CRHR2: variants seen among roughly 807,000 people sequenced by gnomAD.
CRHR2 encodes corticotropin-releasing hormone receptor 2.
A neutral mutation model predicts 57.9 loss-of-function variants in CRHR2; 53 were observed. The observed-to-expected ratio is 0.92, with a 90% CI of 0.73 to 1.15. The LOEUF (loss-of-function observed/expected upper bound fraction) is 1.15. CRHR2 is among the 50% of genes most tolerant of loss of function. The pLI is 0.00. For missense variants in CRHR2, 532 were observed against 542.6 expected (o/e 0.98, Z 0.19); for synonymous variants, 213 against 220.9 (o/e 0.96, Z 0.32).
At chr7:30,695,685 A>C (rs570609191) in intron 1 of CRHR2, among the ~76,000 whole-genome samples, 7 of 152,360 alleles carry the variant, frequency 4.6e-5, no homozygotes, top group Admixed American at 4.6e-4. Flanking sequence ...CATAAAAGTC[A>C]CATCTCTTCT....
At chr7:30,657,038 CAT>C (rs1272483619) in intron 8 of CRHR2, among the ~76,000 whole-genome samples, 1 of 152,032 alleles carries the variant, frequency 6.6e-6, no homozygotes, top group Non-Finnish European at 1.5e-5. Flanking sequence ...GAGGGAGACA[CAT>C]GTTAGCCCAG....
chr7:30,679,459 T>A (rs1216208605), intron 2 of CRHR2, among the ~76,000 whole-genome samples: 1 of 151,768 alleles, frequency 6.6e-6, no homozygotes, highest in East Asian at 1.9e-4. Flanking sequence ...TGTGGGCGAG[T>A]GGGATTATGG....
intron 1 of CRHR2, among the ~76,000 whole-genome samples, chr7:30,694,927 GA>G (rs1403790994): frequency 2.1e-5 from 3 of 145,222 alleles, no homozygotes; most frequent in Non-Finnish European, 4.5e-5. Flanking sequence ...AGAAAAGGGA[GA>G]GGGGGAGAAT....
chr7:30,697,521 G>A (rs963922355), intron 1 of CRHR2, among the ~76,000 whole-genome samples: 15 of 152,084 alleles, frequency 9.9e-5, no homozygotes, highest in Non-Finnish European at 2.9e-5. Context: ...CTTCCCGAAG[G>A]CCTCCACGGG....
At chr7:30,685,531 G>A (rs528410108), upstream of CRHR2, among the ~76,000 whole-genome samples, 4 of 152,154 alleles carry the variant, frequency 2.6e-5, no homozygotes, top group Non-Finnish European at 4.4e-5. Flanking sequence ...GGGCCTGAAG[G>A]TGCTGCACTT....
Position 30,682,282 on chromosome 7 carries a change from G to A in CRHR2, c.-2C>T, listed in dbSNP as rs1784744171. 1.3e-6 allele frequency: 2 copies of A among 1,563,108 alleles called. No homozygotes were observed. The highest frequency in any genetic ancestry group is 1.7e-6 in the Non-Finnish European group (2 of 1,162,586). The stretch of plus-strand genomic sequence containing the variant: ...GCTGTGGAGCAGTGCCGCGTCCATC[G>A]CGTCCCGCAGCCGCGTGCGGAGAGG... On this transcript the variant is annotated 5_prime_UTR_variant, in exon 1 of 12. Transcript: ENST00000471646.
intron 11 of CRHR2, chr7:30,654,569 T>C: frequency 1.0e-6 from 1 of 999,834 alleles, no homozygotes; most frequent in Non-Finnish European, 1.4e-6. Flanking sequence ...GGCCTCATGA[T>C]TGGCTTGCAC....
intron 1 of CRHR2, among the ~76,000 whole-genome samples, chr7:30,693,731 TACCTGTGGAGGCTGATGCCAACTCCAG>T (rs57781969): frequency 0.047 from 7,167 of 152,216 alleles, 531 homozygotes; most frequent in African/African-American, 0.16. Context: ...ACTGAGGCTT[TACCTGTGGAGGCTGATGCCAACTCCAG>T]GAAGATAGCA....
In CRHR2 at chr7:30,656,024, G is replaced by A; in HGVS notation, c.832-12C>T. ...AATACGAAATTGATCTGGAGGGAGG[G>A]CGGGCATGGGAAAGAGGGAAAAGGA... On this transcript the variant is annotated splice_polypyrimidine_tract_variant and intron_variant, in intron 8 of 11. Coordinates refer to ENST00000471646, the MANE Select transcript of CRHR2 (RefSeq NM_001883.5). This position sits in a 1 kb window ranked among gnomAD's most constrained non-coding sequence, Gnocchi z 4.4. 2 of 1,606,062 alleles carry A rather than the reference G, an allele frequency of 1.2e-6. No homozygotes were observed.
At chr7:30,675,342 GA>G (rs1449999167) in intron 2 of CRHR2, among the ~76,000 whole-genome samples, 1 of 152,234 alleles carries the variant, frequency 6.6e-6, no homozygotes, top group African/African-American at 2.4e-5. Flanking sequence ...AGTGCACAGG[GA>G]AGGATGCTGG....
At chr7:30,681,888 C>G in intron 2 of CRHR2, 27 bp downstream of exon 2, 2 of 1,602,836 alleles carry the variant, frequency 1.2e-6, no homozygotes, top group Non-Finnish European at 1.7e-6. Context: ...CGGTGTAGAG[C>G]AGGCAGCGAG....
chr7:30,683,988 G>A (rs1248656649), upstream of CRHR2, among the ~76,000 whole-genome samples: 1 of 152,216 alleles, frequency 6.6e-6, no homozygotes, highest in African/African-American at 2.4e-5. Context: ...CAGGCAGAGC[G>A]AGTGAGACCA....
At chr7:30,664,308 C>A (rs1784108916) in intron 5 of CRHR2, among the ~76,000 whole-genome samples, 1 of 152,198 alleles carries the variant, frequency 6.6e-6, no homozygotes, top group African/African-American at 2.4e-5. Context: ...ACACAGTACA[C>A]AGCAATGGAC....
rs976732372 is a variant in CRHR2, at chr7:30,656,770, C to T, written c.832-758G>A. The stretch of plus-strand genomic sequence containing the variant: ...TGGGTCCCCATGGGCCTGCGAGTGT[C>T]TGTTCATCTGTATTGGCTGTGACTA... On this transcript the variant is annotated intron_variant, in intron 8 of 11. Transcript: ENST00000471646. The surrounding 1 kb of genome is among the most constrained non-coding windows in gnomAD (Gnocchi z 4.4). Among the ~76,000 whole-genome samples, 18 of 152,208 alleles carry T rather than the reference C, an allele frequency of 1.2e-4. No homozygotes were observed. Among genetic ancestry groups the T allele is most frequent in the Admixed American group, 2.0e-4 (3 of 15,284 alleles).
chr7:30,669,727 A>T (rs1784298252), intron 2 of CRHR2, among the ~76,000 whole-genome samples: 1 of 152,158 alleles, frequency 6.6e-6, no homozygotes, highest in Non-Finnish European at 1.5e-5. Context: ...TAAAGCCATC[A>T]GTGGCTCTTT....
chr7:30,686,259 A>G, upstream of CRHR2: 4 of 1,290,142 alleles, frequency 3.1e-6, no homozygotes, highest in Non-Finnish European at 4.0e-6. Flanking sequence ...GTTGCTTTTT[A>G]TTCATTGTCT....
chr7:30,699,548 G>T lies in CRHR2; in HGVS notation c.-261+396C>A, dbSNP rs553370846. ...CAGGAGAGATGGAGGGGGGTCATGGGGGTGGGGAGAGAATGGATAGGAGAC... is the reference window on the plus strand; with the variant it reads ...CAGGAGAGATGGAGGGGGGTCATGGTGGTGGGGAGAGAATGGATAGGAGAC... On this transcript the variant is annotated intron_variant, in intron 1 of 13. Coordinates refer to the CRHR2 transcript ENST00000341843. Among the ~76,000 whole-genome samples, 6 of 152,136 alleles carry T rather than the reference G, an allele frequency of 3.9e-5. No homozygotes were observed. The South Asian group carries it at 1.2e-3, about 32-fold the overall frequency.
chr7:30,680,854 GTA>G (rs1264813694), intron 2 of CRHR2, among the ~76,000 whole-genome samples: 2 of 147,208 alleles, frequency 1.4e-5, no homozygotes, highest in African/African-American at 2.5e-5. Flanking sequence ...GTGTGTGTGT[GTA>G]TGTGTGGTGG....
At chr7:30,692,076 T>C (rs1784971625) in intron 1 of CRHR2, among the ~76,000 whole-genome samples, 1 of 152,234 alleles carries the variant, frequency 6.6e-6, no homozygotes, top group South Asian at 2.1e-4. Flanking sequence ...TGAGCCTTGA[T>C]CTCCTCATCT....
Sources: allele counts gnomAD v4.1 joint callset (sites outside exome capture counted in the v4.1 genomes callset), GRCh38; gene constraint gnomAD v4.1.1; non-coding constraint Gnocchi (gnomAD v3.1); transcripts MANE v1.5; gene names NCBI Gene and HGNC (gene_info 2026-07-23, HGNC 2026-07-21).